IGF1R: variants seen among roughly 807,000 people sequenced by gnomAD.
The protein encoded by IGF1R is insulin like growth factor 1 receptor.
In IGF1R, 44 loss-of-function variants were observed where a neutral mutation model predicts 144.6. The ratio of observed to expected loss-of-function variants is 0.30; its 90% CI spans 0.24 to 0.39. The LOEUF (loss-of-function observed/expected upper bound fraction) is 0.39. Ranked by LOEUF, IGF1R falls within the 10% of genes least tolerant of loss-of-function variation. The probability of loss-of-function intolerance (pLI) is 1.00; values close to 1 mark genes in which losing one functional copy is unlikely to be tolerated. For synonymous variants in IGF1R, 795 were observed against 722.8 expected (o/e 1.10, Z -1.60); for missense variants, 1,355 against 1,833.7 (o/e 0.74, Z 4.77).
Position 98,791,030 on chromosome 15 carries a change from A to G in IGF1R, c.640+82923A>G, listed in dbSNP as rs143106759. Among the ~76,000 whole-genome samples the G allele has an allele frequency of 3.5e-3, 540 of 152,338 alleles. 5 individuals carry two copies. Among genetic ancestry groups the G allele is most frequent in the African/African-American group, 0.012 (512 of 41,576 alleles). ...AAAGCTGTTCCTAAGCCTTCATTAG[A>G]TTGAAGCTTGTCCCAGACTTTCTTT... On this transcript the variant is annotated intron_variant, in intron 2 of 20. Coordinates refer to ENST00000650285, the MANE Select transcript of IGF1R (RefSeq NM_000875.5).
rs998170112 is a variant in IGF1R, at chr15:98,825,108, G to A, written c.641-66217G>A. On this transcript the variant is annotated intron_variant, in intron 2 of 20. Transcript: ENST00000650285. ...CCTGCCTTGACCTCCCAAAGTGCTGGGATTACAGGCATGAGCCACCATGCC... is the reference window on the plus strand; with the variant it reads ...CCTGCCTTGACCTCCCAAAGTGCTGAGATTACAGGCATGAGCCACCATGCC... Among the ~76,000 whole-genome samples, 23 of 152,148 alleles carry A rather than the reference G, an allele frequency of 1.5e-4. 1 individual carries two copies. Among genetic ancestry groups the A allele is most frequent in the Non-Finnish European group, 2.6e-4 (18 of 68,010 alleles).
rs774874435 is a variant in IGF1R, at chr15:98,934,107, A to G, written c.2957-717A>G. On this transcript the variant is annotated intron_variant, in intron 15 of 20. Coordinates refer to ENST00000650285, the MANE Select transcript of IGF1R (RefSeq NM_000875.5). Reference sequence around the variant, plus strand: ...TGGAGTCAGTATTAAAGTTACCTAAATATTTCACTTTTTTTTTTTTTTTTG... The same window carrying G: ...TGGAGTCAGTATTAAAGTTACCTAAGTATTTCACTTTTTTTTTTTTTTTTG... Among the ~76,000 whole-genome samples the G allele has an allele frequency of 2.1e-5, 3 of 145,726 alleles. No individual in the cohort carries two copies. In the Admixed American group the frequency reaches 2.2e-4, roughly 11 times the overall value.
chr15:98,705,628 C>G (rs1467323097), intron 1 of IGF1R, among the ~76,000 whole-genome samples: 1 of 152,178 alleles, frequency 6.6e-6, no homozygotes, highest in Non-Finnish European at 1.5e-5. Flanking sequence ...ACTCCTCAGC[C>G]CTTGGGTCCC....
intron 6 of IGF1R, among the ~76,000 whole-genome samples, chr15:98,909,909 T>G (rs1344299567): frequency 2.6e-5 from 4 of 152,208 alleles, no homozygotes; most frequent in Admixed American, 2.6e-4. Flanking sequence ...ATGGCGTGGC[T>G]CTCTGGCTGG....
At chr15:98,862,314 C>T (rs567721232) in intron 2 of IGF1R, among the ~76,000 whole-genome samples, 2 of 152,198 alleles carry the variant, frequency 1.3e-5, no homozygotes, top group African/African-American at 2.4e-5. Context: ...CCAGGAGAGT[C>T]GCACATAATT....
At chr15:98,920,259 T>A (rs1298896659) in intron 10 of IGF1R, among the ~76,000 whole-genome samples, 1 of 152,176 alleles carries the variant, frequency 6.6e-6, no homozygotes. Context: ...CCATTGTGCT[T>A]CCCCTGTTCC....
intron 1 of IGF1R, chr15:98,650,965 C>T (rs963707322): frequency 3.4e-5 from 33 of 984,876 alleles, no homozygotes; most frequent in Middle Eastern, 5.2e-4. Flanking sequence ...GGGTTTTATT[C>T]TTCTGAAAAA....
chr15:98,902,951 T>G (rs1483839367), intron 5 of IGF1R, among the ~76,000 whole-genome samples: 1 of 152,178 alleles, frequency 6.6e-6, no homozygotes, highest in African/African-American at 2.4e-5. Context: ...AGAGCTCTTA[T>G]TCCTCACTCA....
intron 2 of IGF1R, among the ~76,000 whole-genome samples, chr15:98,725,466 G>C (rs1293239487): frequency 6.6e-6 from 1 of 152,062 alleles, no homozygotes; most frequent in African/African-American, 2.4e-5. Context: ...TTGCAGATTT[G>C]AACCCCAGTT....
intron 2 of IGF1R, among the ~76,000 whole-genome samples, chr15:98,735,504 G>A (rs146211289): frequency 0.019 from 2,916 of 152,356 alleles, 50 homozygotes; most frequent in Non-Finnish European, 0.025. Flanking sequence ...GTCTCTAGCC[G>A]TGATAGTGCT....
intron 2 of IGF1R, among the ~76,000 whole-genome samples, chr15:98,871,961 C>CT (rs1200280176): frequency 6.6e-6 from 1 of 152,134 alleles, no homozygotes; most frequent in Non-Finnish European, 1.5e-5. Flanking sequence ...GCATGGGAAA[C>CT]TTTTTTCCCT....
chr15:98,888,006 C>G (rs2013722970), intron 2 of IGF1R, among the ~76,000 whole-genome samples: 1 of 152,248 alleles, frequency 6.6e-6, no homozygotes, highest in South Asian at 2.1e-4. Context: ...TTCAGTAACA[C>G]CCAAGCCCTT....
chr15:98,656,910 T>C (rs908193894), intron 1 of IGF1R, among the ~76,000 whole-genome samples: 122 of 152,262 alleles, frequency 8.0e-4, no homozygotes, highest in Non-Finnish European at 1.4e-3. Flanking sequence ...TTTCTCAAAC[T>C]GGCTTTGGAA....
rs45451998 is a variant in IGF1R, at chr15:98,669,268, C to T, written c.94+19593C>T. Among the ~76,000 whole-genome samples the T allele has an allele frequency of 5.1e-4, 77 of 152,264 alleles. 1 individual carries two copies. In the East Asian group the frequency reaches 0.014, roughly 28 times the overall value. ...CCTGCGCAAGGGTGTTTAGCATGCA[C>T]CTTGAAACCTCTGCTGCCTGAAGAC... On this transcript the variant is annotated intron_variant, in intron 1 of 20. Transcript: ENST00000650285.
chr15:98,703,961 C>T lies in IGF1R; in HGVS notation c.95-3601C>T, dbSNP rs537913837. ...TTCAAAAGTTTCAGCTTTTGGAGCA[C>T]TGACATGACACCACAAGTGGAAAAT... On this transcript the variant is annotated intron_variant, in intron 1 of 20. Transcript: ENST00000650285. Among the ~76,000 whole-genome samples the T allele has an allele frequency of 2.0e-5, 3 of 152,322 alleles. No individual in the cohort carries two copies. In the East Asian group the frequency reaches 5.8e-4, roughly 29 times the overall value.
chr15:98,675,817 TC>T (rs1268125009), intron 1 of IGF1R, among the ~76,000 whole-genome samples: 7 of 129,978 alleles, frequency 5.4e-5, no homozygotes, highest in Non-Finnish European at 4.9e-5. Flanking sequence ...TTTTTTTCTT[TC>T]TTTCTTTCTT....
intron 1 of IGF1R, among the ~76,000 whole-genome samples, chr15:98,694,754 T>C (rs772175450): frequency 6.6e-6 from 1 of 152,204 alleles, no homozygotes; most frequent in Non-Finnish European, 1.5e-5. Flanking sequence ...TTTCTTAGCA[T>C]GAAGGGATCT....
At chr15:98,952,108 A>C (rs2016796889) in intron 20 of IGF1R, among the ~76,000 whole-genome samples, 1 of 152,164 alleles carries the variant, frequency 6.6e-6, no homozygotes, top group African/African-American at 2.4e-5. Flanking sequence ...GCTGTGCCCT[A>C]GAGTAAAAGA....
At chr15:98,833,828 C>T (rs1021807075) in intron 2 of IGF1R, among the ~76,000 whole-genome samples, 1 of 152,138 alleles carries the variant, frequency 6.6e-6, no homozygotes, top group African/African-American at 2.4e-5. Context: ...GAGCCAGTAA[C>T]TTAACCTGTT....
Sources: allele counts gnomAD v4.1 joint callset (sites outside exome capture counted in the v4.1 genomes callset), GRCh38; gene constraint gnomAD v4.1.1; transcripts MANE v1.5; gene names NCBI Gene and HGNC (gene_info 2026-07-23, HGNC 2026-07-21).